The following GSK3B variants were observed in gnomAD, a reference collection of about 807,000 sequenced individuals.
The protein encoded by GSK3B is glycogen synthase kinase-3 beta.
GSK3B carries 15 observed loss-of-function variants against 56.4 expected under a neutral mutation model. That is an observed-to-expected ratio of 0.27 (90% CI 0.18 to 0.41). The LOEUF (loss-of-function observed/expected upper bound fraction) is 0.41. Ranked by LOEUF, GSK3B falls within the 10% of genes least tolerant of loss-of-function variation. The pLI is 1.00. For synonymous variants in GSK3B, 181 were observed against 188.9 expected (o/e 0.96, Z 0.34); for missense variants, 300 against 513.4 (o/e 0.58, Z 4.02).
intron 2 of GSK3B, among the ~76,000 whole-genome samples, chr3:119,967,052 G>A (rs1390614701): frequency 2.6e-5 from 4 of 151,742 alleles, no homozygotes; most frequent in African/African-American, 9.7e-5. Flanking sequence ...TTGATCTACA[G>A]ATCCACTACA....
intron 7 of GSK3B, among the ~76,000 whole-genome samples, chr3:119,889,980 A>C (rs1210133097): frequency 6.6e-6 from 1 of 152,128 alleles, no homozygotes; most frequent in African/African-American, 2.4e-5. Flanking sequence ...TTTAAGACTA[A>C]ATCTAAAATT....
chr3:119,974,168 C>T (rs1456039346), intron 2 of GSK3B, among the ~76,000 whole-genome samples: 1 of 152,174 alleles, frequency 6.6e-6, no homozygotes, highest in African/African-American at 2.4e-5. Context: ...AAAAGTCACA[C>T]ACTCTAGGAA....
intron 1 of GSK3B, among the ~76,000 whole-genome samples, chr3:120,077,932 T>C (rs924889376): frequency 2.0e-5 from 3 of 151,846 alleles, no homozygotes; most frequent in African/African-American, 7.3e-5. Flanking sequence ...ATTAAAAAAA[T>C]ATATTTTTTT....
At chr3:119,892,759 C>T (rs553341720) in intron 7 of GSK3B, among the ~76,000 whole-genome samples, 2 of 152,196 alleles carry the variant, frequency 1.3e-5, no homozygotes, top group South Asian at 2.1e-4. Context: ...AATTATATAA[C>T]ACAACATAAT....
At chr3:120,000,099 A>G (rs2057661413) in intron 2 of GSK3B, among the ~76,000 whole-genome samples, 1 of 152,222 alleles carries the variant, frequency 6.6e-6, no homozygotes, top group Non-Finnish European at 1.5e-5. Flanking sequence ...AATAGTAGTG[A>G]AGAGAAAGAA....
At chr3:120,075,672 C>A (rs1468256768) in intron 1 of GSK3B, among the ~76,000 whole-genome samples, 3 of 151,812 alleles carry the variant, frequency 2.0e-5, no homozygotes, top group African/African-American at 4.8e-5. Flanking sequence ...ATAAATTTAA[C>A]CAAAAAGTTG....
At chr3:119,929,532 C>T (rs944957460) in intron 3 of GSK3B, among the ~76,000 whole-genome samples, 1 of 152,074 alleles carries the variant, frequency 6.6e-6, no homozygotes, top group African/African-American at 2.4e-5. Context: ...CTGTAGGAGG[C>T]CAAGGCAGAA....
intron 2 of GSK3B, among the ~76,000 whole-genome samples, chr3:119,986,716 T>C (rs985713871): frequency 5.9e-5 from 9 of 152,186 alleles, no homozygotes; most frequent in Non-Finnish European, 1.3e-4. Flanking sequence ...GAAACTGGAA[T>C]GCTTATACAC....
chr3:119,863,741 AAG>A (rs1452866587), intron 8 of GSK3B, 136 bp from the exon 9 acceptor site: 21 of 601,236 alleles, frequency 3.5e-5, no homozygotes, highest in Non-Finnish European at 6.3e-5. Flanking sequence ...CTAGAATGGA[AAG>A]AGTTAAATGC....
intron 10 of GSK3B, among the ~76,000 whole-genome samples, chr3:119,827,594 A>AG (rs1180917809): frequency 1.5e-5 from 2 of 134,120 alleles, no homozygotes; most frequent in African/African-American, 2.6e-5. Flanking sequence ...TTAAAAAAAA[A>AG]AAAAAAAAAA....
intron 1 of GSK3B, among the ~76,000 whole-genome samples, chr3:120,077,210 T>C (rs2058374246): frequency 1.3e-5 from 2 of 152,182 alleles, no homozygotes; most frequent in Non-Finnish European, 2.9e-5. Flanking sequence ...CGTAAAGATA[T>C]CTGCATTCCC....
chr3:119,965,059 AT>A (rs1320897409), intron 2 of GSK3B, among the ~76,000 whole-genome samples: 2 of 103,170 alleles, frequency 1.9e-5, no homozygotes, highest in African/African-American at 3.9e-5. Flanking sequence ...TTTTTTTTTA[AT>A]TTTTTTTTGA....
intron 1 of GSK3B, among the ~76,000 whole-genome samples, chr3:120,060,759 A>G (rs1038488540): frequency 6.6e-6 from 1 of 152,170 alleles, no homozygotes; most frequent in Non-Finnish European, 1.5e-5. Context: ...TTGGGACAGA[A>G]AGACTCAGAT....
At chr3:119,946,084 T>C (rs1284452553) in intron 3 of GSK3B, among the ~76,000 whole-genome samples, 1 of 144,364 alleles carries the variant, frequency 6.9e-6, no homozygotes, top group Admixed American at 6.8e-5. Context: ...TCATTTAAAC[T>C]GAAAAAAAAA....
At chr3:119,974,836 G>A (rs1044191916) in intron 2 of GSK3B, among the ~76,000 whole-genome samples, 10 of 152,204 alleles carry the variant, frequency 6.6e-5, no homozygotes, top group Non-Finnish European at 1.3e-4. Flanking sequence ...CCAAAGGACG[G>A]TGAGGATGTG....
chr3:119,887,439 G>A lies in GSK3B; in HGVS notation c.814-10931C>T, dbSNP rs560857584. On this transcript the variant is annotated intron_variant, in intron 7 of 10. Coordinates refer to ENST00000264235, the MANE Select transcript of GSK3B (RefSeq NM_001146156.2). Reference sequence around the variant, plus strand: ...TTTAAAATAGCTATTATAACAAGGAGAGAAATAGAAGATATAAAAAAGAAC... The same window carrying A: ...TTTAAAATAGCTATTATAACAAGGAAAGAAATAGAAGATATAAAAAAGAAC... 5.3e-5 allele frequency among the ~76,000 whole-genome samples: 8 copies of A among 152,024 alleles called. No homozygotes were observed. The South Asian group carries it at 8.3e-4, about 16-fold the overall frequency.
chr3:119,847,023 AAACT>A (rs1041651799), intron 9 of GSK3B, among the ~76,000 whole-genome samples: 2 of 152,206 alleles, frequency 1.3e-5, no homozygotes, highest in Non-Finnish European at 2.9e-5. Flanking sequence ...CATTCTCAGC[AAACT>A]AACACAGGAA....
intron 1 of GSK3B, among the ~76,000 whole-genome samples, chr3:120,043,286 A>G (rs528889307): frequency 9.9e-5 from 15 of 152,284 alleles, no homozygotes; most frequent in African/African-American, 2.9e-4. Context: ...TTATCCAAAG[A>G]AAAAAACCTC....
intron 3 of GSK3B, among the ~76,000 whole-genome samples, chr3:119,926,554 T>C (rs1369805796): frequency 6.6e-6 from 1 of 152,168 alleles, no homozygotes; most frequent in Non-Finnish European, 1.5e-5. Flanking sequence ...CAGTCTACTA[T>C]CAACTAAAAT....
Sources: gnomAD v4.1 joint callset for allele counts (sites outside exome capture counted in the v4.1 genomes callset) on GRCh38, gnomAD v4.1.1 for gene constraint, MANE v1.5 for transcripts, NCBI Gene and HGNC (gene_info 2026-07-23, HGNC 2026-07-21) for gene names.